BMP5: variants seen among roughly 807,000 people sequenced by gnomAD.
The protein encoded by BMP5 is bone morphogenetic protein 5.
In BMP5, 23 loss-of-function variants were observed where a neutral mutation model predicts 46.6. The ratio of observed to expected loss-of-function variants is 0.49; its 90% CI spans 0.35 to 0.70. BMP5 has a LOEUF of 0.70. Among genes scored for constraint, BMP5 ranks in the 30% least tolerant of loss-of-function variants. The pLI is 0.00. For missense variants in BMP5, 545 were observed against 565.6 expected (o/e 0.96, Z 0.37); for synonymous variants, 204 against 191.9 (o/e 1.06, Z -0.52).
intron 3 of BMP5, among the ~76,000 whole-genome samples, chr6:55,791,518 T>C (rs1379881322): frequency 6.6e-6 from 1 of 152,168 alleles, no homozygotes; most frequent in African/African-American, 2.4e-5. Context: ...TAGTTTACTC[T>C]AGGCTAAAAA....
In BMP5 at chr6:55,839,154, C is replaced by T. The variant is rs556233178; in HGVS notation, c.491-19307G>A. On this transcript the variant is annotated intron_variant, in intron 1 of 6. Transcript: ENST00000370830. ...CATAACATACCTAGATTGCATAAGTCTATTGATGAATCATTGTGTCATTTC... is the reference window on the plus strand; with the variant it reads ...CATAACATACCTAGATTGCATAAGTTTATTGATGAATCATTGTGTCATTTC... 4.6e-5 allele frequency among the ~76,000 whole-genome samples: 7 copies of T among 152,162 alleles called. No homozygotes were observed. In the East Asian group the frequency reaches 9.7e-4, roughly 21 times the overall value.
intron 6 of BMP5, among the ~76,000 whole-genome samples, chr6:55,758,683 A>G (rs1341636792): frequency 6.6e-6 from 1 of 151,912 alleles, no homozygotes; most frequent in Non-Finnish European, 1.5e-5. Flanking sequence ...TTACTAATGA[A>G]TTGCTAGGTT....
At chr6:55,866,315 C>A (rs1298872603) in intron 1 of BMP5, among the ~76,000 whole-genome samples, 1 of 152,120 alleles carries the variant, frequency 6.6e-6, no homozygotes, top group Non-Finnish European at 1.5e-5. Flanking sequence ...AGCTGACATA[C>A]CTGCTCCACT....
intron 4 of BMP5, among the ~76,000 whole-genome samples, chr6:55,769,359 A>C (rs1774992876): frequency 6.6e-6 from 1 of 151,958 alleles, no homozygotes; most frequent in Admixed American, 6.6e-5. Flanking sequence ...TATCTTCACC[A>C]GGAAGATTTT....
At chr6:55,816,716 T>C (rs1422264824) in intron 2 of BMP5, among the ~76,000 whole-genome samples, 1 of 152,242 alleles carries the variant, frequency 6.6e-6, no homozygotes, top group South Asian at 2.1e-4. Context: ...TAGCATTCCA[T>C]AGGATATTAA....
chr6:55,817,614 G>A (rs371564949), intron 2 of BMP5, among the ~76,000 whole-genome samples: 96 of 152,148 alleles, frequency 6.3e-4, no homozygotes, highest in Admixed American at 1.4e-3. Flanking sequence ...GTGGGAGGAG[G>A]GGGGAGGGAT....
At chr6:55,805,912 G>C (rs1775976873) in intron 2 of BMP5, among the ~76,000 whole-genome samples, 1 of 151,868 alleles carries the variant, frequency 6.6e-6, no homozygotes, top group African/African-American at 2.4e-5. Flanking sequence ...TTTTTGATGG[G>C]GTTATTTTTT....
At chr6:55,800,667 G>T (rs1775827591) in intron 2 of BMP5, among the ~76,000 whole-genome samples, 1 of 152,134 alleles carries the variant, frequency 6.6e-6, no homozygotes, top group Admixed American at 6.5e-5. Context: ...GACCAAGAAT[G>T]TTTGATGTGA....
intron 1 of BMP5, among the ~76,000 whole-genome samples, chr6:55,870,606 G>C (rs755932094): frequency 6.6e-6 from 1 of 152,054 alleles, no homozygotes; most frequent in Non-Finnish European, 1.5e-5. Flanking sequence ...TACATAGATA[G>C]GCATCTTTAG....
chr6:55,777,534 G>T (rs1255246445), intron 3 of BMP5, among the ~76,000 whole-genome samples: 1 of 151,848 alleles, frequency 6.6e-6, no homozygotes, highest in East Asian at 1.9e-4. Flanking sequence ...ATGGGGGTGA[G>T]GTAACAAAAA....
intron 1 of BMP5, among the ~76,000 whole-genome samples, chr6:55,872,610 C>T (rs1777811637): frequency 6.6e-6 from 1 of 151,654 alleles, no homozygotes; most frequent in South Asian, 2.1e-4. Context: ...AAAGTAAACA[C>T]ATAAATCCAA....
At position 55,772,732 on chromosome 6, in the gene BMP5, T is replaced by C. The variant is rs1314978092; in HGVS notation, c.1027+1317A>G. On this transcript the variant is annotated intron_variant, in intron 4 of 6. Coordinates refer to ENST00000370830, the MANE Select transcript of BMP5 (RefSeq NM_021073.4). ...GTGGTTAAATTTCTTTGTTGGAAAA[T>C]TATTTTAAAACATCACCTTATAAGC... 5 of 984,586 alleles carry C rather than the reference T, an allele frequency of 5.1e-6. No individual in the cohort carries two copies. In the African/African-American group the frequency reaches 8.7e-5, roughly 17 times the overall value. 61.0% of individuals were successfully genotyped at this position (984,586 alleles called of 1,614,324 possible).
intron 4 of BMP5, among the ~76,000 whole-genome samples, chr6:55,773,515 G>C (rs903072522): frequency 1.7e-5 from 2 of 119,930 alleles, no homozygotes; most frequent in African/African-American, 7.0e-5. Context: ...GTGTGTGTGT[G>C]TGTGTGTGTG....
chr6:55,793,857 C>T (rs753686771), intron 3 of BMP5, among the ~76,000 whole-genome samples: 7 of 151,870 alleles, frequency 4.6e-5, no homozygotes, highest in East Asian at 1.9e-4. Context: ...TTGTTTTAGT[C>T]GAGCTTTAAG....
In BMP5 at chr6:55,753,854, T is replaced by A. The variant is rs562319917; in HGVS notation, c.*1679A>T. The A allele has an allele frequency of 3.3e-5, 5 of 151,988 alleles. No homozygotes were observed. Among genetic ancestry groups the A allele is most frequent in the Admixed American group, 2.6e-4 (4 of 15,220 alleles). 9.4% of individuals were successfully genotyped at this position (151,988 alleles called of 1,614,324 possible). A position where few individuals can be genotyped will look rare whatever the true frequency, so the allele number is the denominator to read the frequency against. Reference sequence around the variant, plus strand: ...AAATCAAGAACAGCAGAAATTAGCATCTGTTTAATATATTTTAAAATATGG... The same window carrying A: ...AAATCAAGAACAGCAGAAATTAGCAACTGTTTAATATATTTTAAAATATGG... On this transcript the variant is annotated 3_prime_UTR_variant, in exon 7 of 7. Coordinates refer to ENST00000370830, the MANE Select transcript of BMP5 (RefSeq NM_021073.4).
At chr6:55,763,417 A>G (rs991966780) in intron 4 of BMP5, among the ~76,000 whole-genome samples, 4 of 152,202 alleles carry the variant, frequency 2.6e-5, no homozygotes, top group Non-Finnish European at 5.9e-5. Context: ...GTCTGATTTC[A>G]TAGAGCATTA....
intron 2 of BMP5, among the ~76,000 whole-genome samples, chr6:55,801,063 A>T (rs1775838642): frequency 6.6e-6 from 1 of 152,190 alleles, no homozygotes; most frequent in Admixed American, 6.5e-5. Flanking sequence ...CTATTAATTC[A>T]TTTATTCACT....
chr6:55,826,866 T>C (rs1300998169), intron 1 of BMP5, among the ~76,000 whole-genome samples: 1 of 151,756 alleles, frequency 6.6e-6, no homozygotes, highest in Non-Finnish European at 1.5e-5. Context: ...GAGTTAGTTA[T>C]CACAAAGCCA....
chr6:55,804,023 C>G (rs1030568452), intron 2 of BMP5, among the ~76,000 whole-genome samples: 1 of 152,180 alleles, frequency 6.6e-6, no homozygotes. Flanking sequence ...AGTCAAATCC[C>G]TATAATAAAT....
Sources: allele counts gnomAD v4.1 joint callset (sites outside exome capture counted in the v4.1 genomes callset), GRCh38; gene constraint gnomAD v4.1.1; transcripts MANE v1.5; gene names NCBI Gene and HGNC (gene_info 2026-07-23, HGNC 2026-07-21).